TBL1Y: variants seen among roughly 807,000 people sequenced by gnomAD.
The protein encoded by TBL1Y is F-box-like/WD repeat-containing protein TBL1Y.
Under a neutral mutation model 12.0 loss-of-function variants are expected in TBL1Y, and 15 were observed. The ratio of observed to expected loss-of-function variants is 1.25; its 90% confidence interval spans 0.83 to 1.92. The LOEUF is 1.92. TBL1Y is among the 40% of genes most tolerant of loss of function. TBL1Y has a pLI of 0.00. For synonymous variants in TBL1Y, 53 were observed against 42.6 expected, an observed-to-expected ratio of 1.24 and a Z score of -0.95; for missense variants, 148 against 116.7, an observed-to-expected ratio of 1.27 and a Z score of -1.24.
intron 8 of TBL1Y, among the ~76,000 whole-genome samples, chrY:7,064,840 G>C: frequency 2.1e-4 from 7 of 33,608 alleles, no homozygotes; most frequent in Admixed American, 1.6e-3. Flanking sequence ...TCTCTGGCTG[G>C]AGAATCAGAT....
At chrY:7,009,439 G>A in intron 4 of TBL1Y, among the ~76,000 whole-genome samples, 5 of 33,139 alleles carry the variant, frequency 1.5e-4, no homozygotes, top group African/African-American at 2.4e-4. Context: ...TGGGAATTAC[G>A]TGAGAGGAAA....
intron 2 of TBL1Y, among the ~76,000 whole-genome samples, chrY:6,955,107 A>C: frequency 2.9e-5 from 1 of 33,969 alleles, no homozygotes; most frequent in African/African-American, 1.1e-4. Context: ...AATGTACAGC[A>C]CATGAAGAGA....
chrY:6,958,765 A>G, intron 2 of TBL1Y, among the ~76,000 whole-genome samples: 2 of 34,006 alleles, frequency 5.9e-5, no homozygotes, highest in African/African-American at 1.1e-4. Flanking sequence ...ACATCTCAGC[A>G]GAGTAAAGAA....
intron 18 of TBL1Y, among the ~76,000 whole-genome samples, chrY:7,090,598 A>G (rs2013170852): frequency 3.0e-5 from 1 of 33,247 alleles, no homozygotes; most frequent in South Asian, 6.8e-4. Context: ...CATGGAGTAA[A>G]CTGACTCAAT....
intron 3 of TBL1Y, among the ~76,000 whole-genome samples, chrY:6,989,950 C>T (rs751861337): frequency 3.0e-5 from 1 of 33,621 alleles, no homozygotes; most frequent in Non-Finnish European, 7.4e-5. Context: ...AAAGCTGACC[C>T]TAGACCATGC....
At chrY:7,070,156 T>C in intron 8 of TBL1Y, 40 bp from the exon 9 acceptor site, 1 of 390,099 alleles carries the variant, frequency 2.6e-6, no homozygotes, top group African/African-American at 6.4e-5. Flanking sequence ...CTTCCTCTTG[T>C]ATTGGTAAGC....
intron 4 of TBL1Y, among the ~76,000 whole-genome samples, chrY:7,000,475 T>C (rs888048884): frequency 3.0e-5 from 1 of 33,699 alleles, no homozygotes; most frequent in Non-Finnish European, 7.3e-5. Flanking sequence ...ATTCCCCAAT[T>C]CTTGTAAGGG....
chrY:7,052,141 C>G (rs1013679351), intron 7 of TBL1Y, among the ~76,000 whole-genome samples: 63 of 33,982 alleles, frequency 1.9e-3, no homozygotes, highest in Non-Finnish European at 3.8e-3. Flanking sequence ...GGGCATTTCT[C>G]TTTTTGTTCC....
intron 2 of TBL1Y, among the ~76,000 whole-genome samples, chrY:6,918,329 G>A: frequency 3.0e-5 from 1 of 32,848 alleles, no homozygotes; most frequent in Non-Finnish European, 7.5e-5. Flanking sequence ...TGGGTGGGGT[G>A]GGGGGTGTGG....
chrY:7,016,374 C>T (rs2012549887), intron 4 of TBL1Y, among the ~76,000 whole-genome samples: 1 of 32,363 alleles, frequency 3.1e-5, no homozygotes, highest in Non-Finnish European at 7.5e-5. Context: ...GGGGCAACAG[C>T]GGGCACTGTC....
At chrY:6,966,093 CAG>C (rs2012167754) in intron 2 of TBL1Y, among the ~76,000 whole-genome samples, 1 of 30,736 alleles carries the variant, frequency 3.3e-5, no homozygotes, top group Non-Finnish European at 7.8e-5. Context: ...TTTGGTGAGA[CAG>C]AGTCTCACAC....
chrY:6,976,303 T>C (rs2012240382), intron 2 of TBL1Y, among the ~76,000 whole-genome samples: 1 of 33,426 alleles, frequency 3.0e-5, no homozygotes, highest in Non-Finnish European at 7.3e-5. Context: ...AAGTTTTTTT[T>C]GTGTCCCATG....
At chrY:6,951,610 T>C in intron 2 of TBL1Y, among the ~76,000 whole-genome samples, 1 of 33,481 alleles carries the variant, frequency 3.0e-5, no homozygotes, top group Non-Finnish European at 7.4e-5. Flanking sequence ...TTTGCTGATC[T>C]TTTCAAAAAA....
chrY:7,061,710 C>G, intron 7 of TBL1Y, among the ~76,000 whole-genome samples: 1 of 32,302 alleles, frequency 3.1e-5, no homozygotes, highest in African/African-American at 1.2e-4. Context: ...TTAACATGAC[C>G]TAAGTGTATA....
chrY:6,974,780 G>C, intron 2 of TBL1Y, among the ~76,000 whole-genome samples: 1 of 33,660 alleles, frequency 3.0e-5, no homozygotes, highest in South Asian at 6.7e-4. Flanking sequence ...GAACATAGTG[G>C]TGAAAGATTG....
Position 6,939,356 on chromosome Y carries a change from C to T in TBL1Y, c.-266+27184C>T, listed in dbSNP as rs774285685. ...TACAAACCTTTAGCTAGGCCCAGAG[C>T]GCTGATTGGGGCGTTTACAATCCTC... On this transcript the variant is annotated intron_variant, in intron 2 of 18. Coordinates refer to ENST00000383032, the MANE Select transcript of TBL1Y (RefSeq NM_033284.2). Among the ~76,000 whole-genome samples the T allele has an allele frequency of 5.4e-4, 18 of 33,299 alleles. No individual in the cohort carries two copies. The South Asian group carries it at 0.012, about 22-fold the overall frequency. The allele number at this position is 33,299 out of a possible 37,273, so 89.3% of individuals were successfully genotyped here. A position where few individuals can be genotyped will look rare whatever the true frequency, so the allele number is the denominator to read the frequency against.
intron 2 of TBL1Y, among the ~76,000 whole-genome samples, chrY:6,962,414 C>T: frequency 3.0e-5 from 1 of 33,447 alleles, no homozygotes; most frequent in African/African-American, 1.2e-4. Flanking sequence ...ACAATTTAAA[C>T]AGCTGATTTA....
intron 2 of TBL1Y, among the ~76,000 whole-genome samples, chrY:6,973,123 T>C: frequency 3.0e-5 from 1 of 33,301 alleles, no homozygotes; most frequent in Non-Finnish European, 7.4e-5. Flanking sequence ...GCGGTGGCTG[T>C]CATGAGCTTA....
intron 2 of TBL1Y, among the ~76,000 whole-genome samples, chrY:6,925,633 G>T: frequency 3.0e-5 from 1 of 33,272 alleles, no homozygotes. Flanking sequence ...GGCCAGACTG[G>T]TCTCAAACTC....
Sources: allele counts gnomAD v4.1 joint callset (sites outside exome capture counted in the v4.1 genomes callset), GRCh38; gene constraint gnomAD v4.1.1; transcripts MANE v1.5; gene names NCBI Gene and HGNC (gene_info 2026-07-23, HGNC 2026-07-21).